The following PGM3 variants were observed in gnomAD, a reference collection of about 807,000 sequenced individuals.
The protein encoded by PGM3 is phosphoacetylglucosamine mutase.
Under a neutral mutation model 66.2 loss-of-function variants are expected in PGM3, and 40 were observed. That is an observed-to-expected ratio of 0.60 (90% CI 0.47 to 0.79). The LOEUF (loss-of-function observed/expected upper bound fraction) is 0.79. Ranked by LOEUF, PGM3 falls within the 30% of genes least tolerant of loss-of-function variation. PGM3 has a pLI of 0.00. For missense variants in PGM3, 537 were observed against 643.4 expected (o/e 0.83, Z 1.79); for synonymous variants, 191 against 224.2 (o/e 0.85, Z 1.32).
intron 2 of PGM3, 53 bp from the exon 3 acceptor site, chr6:83,188,851 TGAGAA>T: frequency 6.7e-7 from 1 of 1,496,650 alleles, no homozygotes; most frequent in Non-Finnish European, 9.2e-7. Context: ...GAGGCTGAGT[TGAGAA>T]CAGAACTCAA....
Position 83,192,825 on chromosome 6 carries a change from A to C in PGM3, c.-3+354T>G, listed in dbSNP as rs779591162. On this transcript the variant is annotated intron_variant, in intron 1 of 12. Coordinates refer to ENST00000513973, the MANE Select transcript of PGM3 (RefSeq NM_015599.3). ...TATTTGCCAAATCCAGCGTCCACGC[A>C]AAAAGTTAAGAGTATCCCCCTACTC... Among the ~76,000 whole-genome samples, 21 of 152,216 alleles carry C rather than the reference A, an allele frequency of 1.4e-4. No homozygotes were observed. The Middle Eastern group carries it at 0.01, about 74-fold the overall frequency.
chr6:83,159,843 G>A (rs751503368), downstream of PGM3: 6 of 1,614,136 alleles, frequency 3.7e-6, no homozygotes, highest in South Asian at 5.5e-5. Flanking sequence ...TACACAGGAG[G>A]TAATGGCTTC....
At position 83,167,407 on chromosome 6, in the gene PGM3, G is replaced by A; in HGVS notation, c.*1827C>T. 2.0e-6 allele frequency: 2 copies of A among 981,432 alleles called. No homozygotes were observed. Among genetic ancestry groups the A allele is most frequent in the South Asian group, 4.7e-5 (1 of 21,228 alleles). 60.8% of individuals were successfully genotyped at this position (981,432 alleles called of 1,614,324 possible). On this transcript the variant is annotated 3_prime_UTR_variant, in exon 13 of 13. Coordinates refer to ENST00000513973, the MANE Select transcript of PGM3 (RefSeq NM_015599.3). ...CATCATGGCAAATTTAGGCCATTTA[G>A]ATAAAAGGGAATTAACTAATTATAA... is the stretch of plus-strand genomic sequence containing the variant.
At chr6:83,160,190 G>A (rs1199276896), downstream of PGM3, among the ~76,000 whole-genome samples, 1 of 152,082 alleles carries the variant, frequency 6.6e-6, no homozygotes, top group African/African-American at 2.4e-5. Flanking sequence ...GAGACAATGG[G>A]GTACATAACT....
chr6:83,172,530 G>C (rs1787320414), intron 10 of PGM3, among the ~76,000 whole-genome samples: 1 of 152,086 alleles, frequency 6.6e-6, no homozygotes, highest in African/African-American at 2.4e-5. Flanking sequence ...GTGGTAGTGG[G>C]CGCCTGTAAT....
At chr6:83,149,180 A>C in the PGM3 span, among the ~76,000 whole-genome samples, 1 of 152,274 alleles carries the variant, frequency 6.6e-6, no homozygotes, top group Middle Eastern at 3.4e-3. Context: ...GCATGGCTGA[A>C]GGGGAACTTC....
At position 83,181,794 on chromosome 6, in the gene PGM3, G is replaced by A. The variant is rs1788196477; in HGVS notation, c.729C>T (p.Gly243=). 6.2e-7 allele frequency: 1 copy of A among 1,613,854 alleles called. No homozygotes were observed. The highest frequency in any genetic ancestry group is 8.5e-7 in the Non-Finnish European group (1 of 1,179,900). The change falls in exon 6 of 13, where the codon GGC becomes GGT. Residue 243 remains glycine, a synonymous_variant. Transcript: ENST00000513973. ...CAGCTCCACATAAATGATTGAGTTTGCCCTTGGACCCATCATTAAACAGCT... is the reference window on the plus strand; with the variant it reads ...CAGCTCCACATAAATGATTGAGTTTACCCTTGGACCCATCATTAAACAGCT... ...SVQLFNDGSK[G]KLNHLCGADF...
At chr6:83,153,761 T>C in the PGM3 span, 1 of 1,173,818 alleles carries the variant, frequency 8.5e-7, no homozygotes, top group Non-Finnish European at 1.2e-6. Flanking sequence ...AATTCATATA[T>C]TATTTTTCTT....
rs781736179 is a variant in PGM3, at chr6:83,188,579, AG to A, written c.389+34del. On this transcript the variant is annotated intron_variant, in intron 3 of 12. Coordinates refer to ENST00000513973, the MANE Select transcript of PGM3 (RefSeq NM_015599.3). Reference sequence around the variant, plus strand: ...ACAATCGTTTATATCACGTTCCCAAAGGTTTTTTTTTTTACCAGTAACTCTT... The same window carrying A: ...ACAATCGTTTATATCACGTTCCCAAAGTTTTTTTTTTTACCAGTAACTCTT... 10 of 1,469,066 alleles carry A rather than the reference AG, an allele frequency of 6.8e-6. No individual in the cohort carries two copies. In the South Asian group the frequency reaches 1.1e-4, roughly 16 times the overall value. 91.0% of individuals were successfully genotyped at this position (1,469,066 alleles called of 1,614,324 possible). A position where few individuals can be genotyped will look rare whatever the true frequency, so the allele number is the denominator to read the frequency against.
In PGM3 at chr6:83,165,838, G is replaced by A. The variant is rs563329042; in HGVS notation, c.*3396C>T. On this transcript the variant is annotated 3_prime_UTR_variant, in exon 13 of 13. Transcript: ENST00000513973. Reference sequence around the variant, plus strand: ...TTCTGGTGGCCAATGCCGGCTGCAGGCATTGCAGTTTTTGGTGCATCTCAT... The same window carrying A: ...TTCTGGTGGCCAATGCCGGCTGCAGACATTGCAGTTTTTGGTGCATCTCAT... The A allele has an allele frequency of 2.1e-5, 7 of 332,002 alleles. No individual in the cohort carries two copies. Among genetic ancestry groups the A allele is most frequent in the South Asian group, 1.9e-4 (7 of 36,880 alleles). The allele number at this position is 332,002 out of a possible 1,614,324, so 20.6% of individuals were successfully genotyped here. A position where few individuals can be genotyped will look rare whatever the true frequency, so the allele number is the denominator to read the frequency against.
Position 83,181,771 on chromosome 6 carries a change from G to C in PGM3, c.752C>G (p.Ala251Gly). 6.2e-7 allele frequency: 1 copy of C among 1,612,890 alleles called. No homozygotes were observed. The highest frequency in any genetic ancestry group is 8.5e-7 in the Non-Finnish European group (1 of 1,179,678). ...SKGKLNHLCG[A>G]DFVKSHQKPP... Reference sequence around the variant, plus strand: ...TTTCTGATGACTTTTCACAAAGTCAGCTCCACATAAATGATTGAGTTTGCC... The same window carrying C: ...TTTCTGATGACTTTTCACAAAGTCACCTCCACATAAATGATTGAGTTTGCC... The change falls in exon 6 of 13, where the codon GCT becomes GGT. Residue 251 changes from alanine (A) to glycine (G), a missense_variant. By Grantham distance (60) the Ala-to-Gly change is moderately conservative. Coordinates refer to ENST00000513973, the MANE Select transcript of PGM3 (RefSeq NM_015599.3).
intron 4 of PGM3, among the ~76,000 whole-genome samples, chr6:83,184,193 G>C (rs1040441819): frequency 6.6e-6 from 1 of 152,106 alleles, no homozygotes; most frequent in African/African-American, 2.4e-5. Flanking sequence ...TATAAGAAAA[G>C]CACCATGAGC....
At chr6:83,191,206 T>A in intron 1 of PGM3, 192 bp from the exon 2 acceptor site, 5 of 1,534,926 alleles carry the variant, frequency 3.3e-6, no homozygotes, top group Non-Finnish European at 4.4e-6. Context: ...GTTGTCCAAC[T>A]TGGTATGTCC....
the PGM3 span, among the ~76,000 whole-genome samples, chr6:83,154,558 A>C: frequency 6.6e-6 from 1 of 152,360 alleles, no homozygotes; most frequent in African/African-American, 2.4e-5. Flanking sequence ...TACCCAGCAC[A>C]TAATAATAGC....
In PGM3 at chr6:83,178,669, A is replaced by G. The variant is rs781103088; in HGVS notation, c.1029+4T>C. On this transcript the variant is annotated splice_donor_region_variant and intron_variant, in intron 8 of 12. Transcript: ENST00000513973. ...ACTACCAGAAAACAAAAATGGTTCA[A>G]TACCTTCATAACTTCTTCAAGATAC... The G allele has an allele frequency of 3.9e-6, 6 of 1,554,736 alleles. No individual in the cohort carries two copies. The Admixed American group carries it at 6.7e-5, about 17-fold the overall frequency.
intron 3 of PGM3, 30 bp downstream of exon 3, chr6:83,188,584 T>A (rs1314360505): frequency 6.5e-7 from 1 of 1,548,860 alleles, no homozygotes; most frequent in Non-Finnish European, 8.8e-7. Flanking sequence ...CCCAAAGGTT[T>A]TTTTTTTTAC....
intron 1 of PGM3, 26 bp from the exon 2 acceptor site, chr6:83,191,040 G>C (rs370902808): frequency 2.5e-6 from 4 of 1,591,314 alleles, no homozygotes; most frequent in African/African-American, 1.3e-5. Context: ...ATATTGTTTC[G>C]GGCATAACAA....
At chr6:83,162,877 T>G (rs1189398080), downstream of PGM3, 1 of 1,613,288 alleles carries the variant, frequency 6.2e-7, no homozygotes, top group Non-Finnish European at 8.5e-7. Context: ...AATTTAAACC[T>G]TACGTGGTAC....
rs146788997 is a variant in PGM3, at chr6:83,173,259, A to G, written c.1242+1115T>C. Reference sequence around the variant, plus strand: ...GTGGATGGATAAAATACGAACAATGAGGTGAAGATCTCTGTGGAAGACAAT... The same window carrying G: ...GTGGATGGATAAAATACGAACAATGGGGTGAAGATCTCTGTGGAAGACAAT... On this transcript the variant is annotated intron_variant, in intron 10 of 12. Transcript: ENST00000513973. Among the ~76,000 whole-genome samples, 6 of 152,292 alleles carry G rather than the reference A, an allele frequency of 3.9e-5. No individual in the cohort carries two copies. The East Asian group carries it at 1.2e-3, about 29-fold the overall frequency.
Sources: gnomAD v4.1 joint callset for allele counts (sites outside exome capture counted in the v4.1 genomes callset) on GRCh38, gnomAD v4.1.1 for gene constraint, MANE v1.5 for transcripts, NCBI Gene and HGNC (gene_info 2026-07-23, HGNC 2026-07-21) for gene names.